The following COL1A2 variants were observed in gnomAD, a reference collection of about 807,000 sequenced individuals.
COL1A2 encodes collagen type I alpha 2 chain, also known as collagen alpha-2(I) chain.
Under a neutral mutation model 174.3 loss-of-function variants are expected in COL1A2, and 49 were observed. The ratio of observed to expected loss-of-function variants is 0.28; its 90% CI spans 0.22 to 0.36. The LOEUF is 0.36. Among genes scored for constraint, COL1A2 ranks in the 10% least tolerant of loss-of-function variants. COL1A2 has a pLI of 1.00. For synonymous variants in COL1A2, 655 were observed against 606.6 expected (o/e 1.08, Z -1.17); for missense variants, 1,438 against 1,822.7 (o/e 0.79, Z 3.84).
At chr7:94,405,804 G>A in intron 11 of COL1A2, 78 bp downstream of exon 11, 2 of 1,108,284 alleles carry the variant, frequency 1.8e-6, no homozygotes, top group Admixed American at 1.7e-5. Flanking sequence ...TAAAATCTTG[G>A]GTGACATATA....
chr7:94,413,062 TG>T lies in COL1A2; in HGVS notation c.1504-20del. The stretch of plus-strand genomic sequence containing the variant: ...AAATGTGCAAAGCTGTTCTTTGTTT[TG>T]TTTTTCATTTTTACTCTAGGGTGAT... On this transcript the variant is annotated intron_variant, in intron 25 of 51. Coordinates refer to ENST00000297268, the MANE Select transcript of COL1A2 (RefSeq NM_000089.4). The T allele has an allele frequency of 6.2e-7, 1 of 1,613,370 alleles. No individual in the cohort carries two copies. The highest frequency in any genetic ancestry group is 8.5e-7 in the Non-Finnish European group (1 of 1,179,278).
intron 6 of COL1A2, among the ~76,000 whole-genome samples, 156 bp downstream of exon 6, chr7:94,401,776 A>G (rs938254523): frequency 1.3e-5 from 2 of 152,122 alleles, no homozygotes; most frequent in African/African-American, 4.8e-5. Flanking sequence ...TTATGAAAAC[A>G]TAAGTTAAGG....
chr7:94,404,222 T>C (rs903381068), intron 6 of COL1A2, among the ~76,000 whole-genome samples: 4 of 152,234 alleles, frequency 2.6e-5, no homozygotes, highest in African/African-American at 9.6e-5. Context: ...ATCTGCTGTA[T>C]AGAAGACAAT....
chr7:94,405,070 G>T, intron 9 of COL1A2, 129 bp from the exon 10 acceptor site: 1 of 1,129,084 alleles, frequency 8.9e-7, no homozygotes, highest in Non-Finnish European at 1.3e-6. Context: ...TTAAGGGAAA[G>T]ATTAAATATA....
rs1792134955 is a variant in COL1A2, at chr7:94,420,457, T to G, written c.2187+13T>G. 4.3e-6 allele frequency: 7 copies of G among 1,614,016 alleles called. No homozygotes were observed. The highest frequency in any genetic ancestry group is 5.9e-6 in the Non-Finnish European group (7 of 1,180,010). On this transcript the variant is annotated intron_variant, in intron 36 of 51. Transcript: ENST00000297268. ...TGCTGGTCCTGCTGTGAGTATCACA[T>G]AATGAAGATTAATCTGAAAACATCC...
Position 94,422,194 on chromosome 7 carries a change from TG to T in COL1A2, c.2403+243del, listed in dbSNP as rs1336594763. On this transcript the variant is annotated intron_variant, in intron 39 of 51. Coordinates refer to ENST00000297268, the MANE Select transcript of COL1A2 (RefSeq NM_000089.4). ...TCCCCTTTCAGGGGCATGGTCTTTTTGAAAAAAAAAAAACAAAAAAACGAAC... is the reference window on the plus strand; with the variant it reads ...TCCCCTTTCAGGGGCATGGTCTTTTTAAAAAAAAAAAACAAAAAAACGAAC... Among the ~76,000 whole-genome samples, 543 of 73,768 alleles carry T rather than the reference TG, an allele frequency of 7.4e-3. 3 individuals carry two copies. Among genetic ancestry groups the T allele is most frequent in the African/African-American group, 0.036 (524 of 14,610 alleles). 48.4% of individuals were successfully genotyped at this position (73,768 alleles called of 152,430 possible).
intron 46 of COL1A2, 107 bp downstream of exon 46, chr7:94,426,637 TC>T: frequency 1.1e-6 from 1 of 891,084 alleles, no homozygotes; most frequent in South Asian, 1.4e-5. Context: ...CTATATAATA[TC>T]CATTTCCCAT....
At chr7:94,405,752 G>C (rs1791782016) in intron 11 of COL1A2, 26 bp downstream of exon 11, 3 of 1,589,382 alleles carry the variant, frequency 1.9e-6, no homozygotes, top group Non-Finnish European at 2.6e-6. Flanking sequence ...ACTCAGAAGA[G>C]AGAAAATGCC....
intron 16 of COL1A2, 109 bp from the exon 17 acceptor site, chr7:94,409,213 T>A (rs933911360): frequency 2.0e-6 from 2 of 1,014,936 alleles, no homozygotes; most frequent in African/African-American, 3.2e-5. Context: ...GAAAAATAAT[T>A]GCAATTTTGA....
chr7:94,418,215 T>A (rs558814005), intron 32 of COL1A2, among the ~76,000 whole-genome samples: 1 of 152,360 alleles, frequency 6.6e-6, no homozygotes, highest in East Asian at 1.9e-4. Context: ...CTTACAATTC[T>A]GTCCACATGA....
At chr7:94,429,990 T>C (rs1327168814) in intron 51 of COL1A2, 3 of 521,928 alleles carry the variant, frequency 5.7e-6, no homozygotes, top group Middle Eastern at 1.0e-3. Context: ...TAGAGATAGG[T>C]CACTTGGAAT....
chr7:94,394,932 G>T lies in COL1A2; in HGVS notation c.-100G>T. On this transcript the variant is annotated 5_prime_UTR_variant, in exon 1 of 52. Coordinates refer to ENST00000297268, the MANE Select transcript of COL1A2 (RefSeq NM_000089.4). The stretch of plus-strand genomic sequence containing the variant: ...GCAGGAGGTTTCGGCTAAGTTGGAG[G>T]TACTGGCCACGACTGCATGCCCGCG... 1.1e-6 allele frequency: 1 copy of T among 914,492 alleles called. No homozygotes were observed. Among genetic ancestry groups the T allele is most frequent in the South Asian group, 1.3e-5 (1 of 76,604 alleles). The allele number at this position is 914,492 out of a possible 1,614,324, so 56.6% of individuals were successfully genotyped here.
chr7:94,418,946 A>G (rs1792097673), intron 33 of COL1A2, among the ~76,000 whole-genome samples: 1 of 151,116 alleles, frequency 6.6e-6, no homozygotes, highest in Non-Finnish European at 1.5e-5. Flanking sequence ...TAGTTATTCA[A>G]ACCTACTCCC....
chr7:94,429,746 A>G (rs2115968371), intron 51 of COL1A2: 1 of 296,112 alleles, frequency 3.4e-6, no homozygotes, highest in Admixed American at 4.8e-5. Flanking sequence ...ATGTGTGCCC[A>G]GAACTTAAAA....
At chr7:94,409,443 C>A (rs750317847) in intron 17 of COL1A2, 23 bp downstream of exon 17, 41 of 1,612,850 alleles carry the variant, frequency 2.5e-5, no homozygotes, top group Non-Finnish European at 3.3e-5. Flanking sequence ...TGTCTTTAAA[C>A]TTTATTGAGT....
rs1060399 is a variant in COL1A2, at chr7:94,430,587, C to T, written c.*194C>T. The stretch of plus-strand genomic sequence containing the variant: ...AATACAGTTTCATTAACTCCTTCCC[C>T]CGCTCCCCCAAAAATTTGAATTTTT... On this transcript the variant is annotated 3_prime_UTR_variant, in exon 52 of 52. Coordinates refer to ENST00000297268, the MANE Select transcript of COL1A2 (RefSeq NM_000089.4). The T allele has an allele frequency of 0.25, 150,857 of 606,078 alleles. 20,844 individuals carry two copies. The highest frequency in any genetic ancestry group is 0.37 in the South Asian group (16,035 of 43,404). The allele number at this position is 606,078 out of a possible 1,614,324, so 37.5% of individuals were successfully genotyped here.
Position 94,394,903 on chromosome 7 carries a change from G to C in COL1A2, c.-129G>C, listed in dbSNP as rs1311659269. Reference sequence around the variant, plus strand: ...CCGGGCTTTATTATTTTAGCACCACGGCAGCAGGAGGTTTCGGCTAAGTTG... The same window carrying C: ...CCGGGCTTTATTATTTTAGCACCACCGCAGCAGGAGGTTTCGGCTAAGTTG... On this transcript the variant is annotated 5_prime_UTR_variant, in exon 1 of 52. Transcript: ENST00000297268. 6 of 770,262 alleles carry C rather than the reference G, an allele frequency of 7.8e-6. No homozygotes were observed. Among genetic ancestry groups the C allele is most frequent in the Non-Finnish European group, 1.4e-5 (6 of 423,132 alleles). The allele number at this position is 770,262 out of a possible 1,614,324, so 47.7% of individuals were successfully genotyped here. A position where few individuals can be genotyped will look rare whatever the true frequency, so the allele number is the denominator to read the frequency against.
At position 94,401,581 on chromosome 7, in the gene COL1A2, G is replaced by A; in HGVS notation, c.240G>A (p.Gln80=). 1.3e-6 allele frequency: 2 copies of A among 1,555,412 alleles called. No individual in the cohort carries two copies. The highest frequency in any genetic ancestry group is 1.2e-5 in the South Asian group (1 of 81,942). Residue 80 remains glutamine (Q), a synonymous_variant, in exon 6 of 52, where the codon CAG becomes CAA. Transcript: ENST00000297268. ...PPGLGGNFAA[Q]YDGKGVGLGP... is the part of the protein sequence containing the mutation. ...TACTTCTCTAGAACTTTGCTGCTCA[G>A]TATGATGGAAAAGGAGTTGGACTTG...
At chr7:94,410,188 A>G (rs1791890468) in intron 19 of COL1A2, 54 bp from the exon 20 acceptor site, 1 of 1,564,592 alleles carries the variant, frequency 6.4e-7, no homozygotes, top group African/African-American at 1.4e-5. Flanking sequence ...TTTGTCTGCA[A>G]GAGAGTTTCA....
Sources: allele counts gnomAD v4.1 joint callset (sites outside exome capture counted in the v4.1 genomes callset), GRCh38; gene constraint gnomAD v4.1.1; transcripts MANE v1.5; gene names NCBI Gene and HGNC (gene_info 2026-07-23, HGNC 2026-07-21).